The following ALK variants were observed in gnomAD, a reference collection of about 807,000 sequenced individuals.
The protein encoded by ALK is ALK receptor tyrosine kinase.
Under a neutral mutation model 163.1 loss-of-function variants are expected in ALK, and 74 were observed. That is an observed-to-expected ratio of 0.45 (90% CI 0.38 to 0.55). The LOEUF is 0.55. ALK is among the 20% of genes least tolerant of loss of function. The pLI, the probability that ALK is intolerant of heterozygous loss-of-function variation, is 0.00. For missense variants in ALK, 2,063 were observed against 2,105.3 expected (o/e 0.98, Z 0.39); for synonymous variants, 960 against 843.2 (o/e 1.14, Z -2.40).
At chr2:29,653,583 G>A (rs1245432100) in intron 3 of ALK, among the ~76,000 whole-genome samples, 3 of 152,262 alleles carry the variant, frequency 2.0e-5, no homozygotes, top group South Asian at 2.1e-4. Flanking sequence ...CCAAGTTACT[G>A]TAAAGATTAA....
chr2:29,798,003 T>C (rs970805354), intron 1 of ALK, among the ~76,000 whole-genome samples: 1 of 152,054 alleles, frequency 6.6e-6, no homozygotes, highest in African/African-American at 2.4e-5. Flanking sequence ...AGTAAGGAAG[T>C]CTTAAAGCTG....
At chr2:29,535,942 T>G (rs148729959) in intron 3 of ALK, among the ~76,000 whole-genome samples, 1 of 152,304 alleles carries the variant, frequency 6.6e-6, no homozygotes, top group East Asian at 1.9e-4. Context: ...CCCGCTAAGA[T>G]GTAAGGAAGT....
intron 1 of ALK, among the ~76,000 whole-genome samples, chr2:29,830,069 A>C (rs1213067155): frequency 1.3e-5 from 2 of 152,202 alleles, no homozygotes; most frequent in Non-Finnish European, 2.9e-5. Flanking sequence ...GAGAAGTTTA[A>C]CGTTGACTTG....
intron 4 of ALK, among the ~76,000 whole-genome samples, chr2:29,432,754 T>TA (rs1019275209): frequency 2.0e-5 from 3 of 150,530 alleles, no homozygotes; most frequent in African/African-American, 7.4e-5. Context: ...TTTTTTTTTT[T>TA]AAACCGATGG....
chr2:29,210,988 T>G (rs1347757900), intron 24 of ALK, among the ~76,000 whole-genome samples: 1 of 152,144 alleles, frequency 6.6e-6, no homozygotes, highest in Non-Finnish European at 1.5e-5. Flanking sequence ...AATATTAAGG[T>G]CCTGTGCAGG....
chr2:29,715,723 C>G (rs978351226), intron 2 of ALK, among the ~76,000 whole-genome samples: 3 of 152,152 alleles, frequency 2.0e-5, no homozygotes, highest in Non-Finnish European at 4.4e-5. Context: ...ACCTGAAGAC[C>G]AGTTGTATCG....
chr2:29,660,676 A>G, intron 3 of ALK, among the ~76,000 whole-genome samples: 1 of 91,064 alleles, frequency 1.1e-5, no homozygotes. Context: ...GGGAGAGGGG[A>G]GAAAGGGGGA....
intron 24 of ALK, among the ~76,000 whole-genome samples, chr2:29,210,526 G>T (rs533522935): frequency 6.6e-6 from 1 of 151,996 alleles, no homozygotes; most frequent in Admixed American, 6.6e-5. Context: ...TCTGCCTCCC[G>T]GGTTCAAGCA....
intron 4 of ALK, among the ~76,000 whole-genome samples, chr2:29,480,757 T>C (rs112501436): frequency 0.28 from 36,087 of 127,780 alleles, 5,570 homozygotes; most frequent in Middle Eastern, 0.41. Context: ...GATGCAAAAG[T>C]GGGAACTCAG....
intron 1 of ALK, among the ~76,000 whole-genome samples, chr2:29,918,155 T>A (rs1667885400): frequency 6.6e-6 from 1 of 152,240 alleles, no homozygotes; most frequent in Non-Finnish European, 1.5e-5. Context: ...TCATGCAACC[T>A]ACCTGTTTAC....
At chr2:29,579,687 T>C (rs1002068760) in intron 3 of ALK, among the ~76,000 whole-genome samples, 3 of 152,160 alleles carry the variant, frequency 2.0e-5, no homozygotes, top group Admixed American at 2.0e-4. Context: ...TTTGAAAAAC[T>C]GTCAACTCAT....
At chr2:29,825,722 T>C (rs562444469) in intron 1 of ALK, among the ~76,000 whole-genome samples, 1 of 152,184 alleles carries the variant, frequency 6.6e-6, no homozygotes, top group East Asian at 1.9e-4. Context: ...TGTTTTTTTT[T>C]TTAAATCGTT....
intron 15 of ALK, among the ~76,000 whole-genome samples, chr2:29,231,814 C>G (rs538652416): frequency 1.7e-4 from 26 of 152,204 alleles, no homozygotes; most frequent in East Asian, 3.8e-4. Flanking sequence ...GTGCTTCTGG[C>G]TCCCATTAAT....
chr2:29,222,276 T>C (rs1669823218), intron 22 of ALK, 68 bp downstream of exon 22: 4 of 1,449,918 alleles, frequency 2.8e-6, no homozygotes, highest in Admixed American at 1.7e-5. Context: ...ATCGATCTGT[T>C]AGAAACCTCT....
At chr2:29,200,752 CGTATATAT>C (rs1370268002) in intron 26 of ALK, among the ~76,000 whole-genome samples, 8 of 67,322 alleles carry the variant, frequency 1.2e-4, no homozygotes, top group Admixed American at 4.6e-4. Flanking sequence ...TATATATATA[CGTATATAT>C]GTATATATAT....
At chr2:29,441,015 C>T (rs1670527576) in intron 4 of ALK, among the ~76,000 whole-genome samples, 1 of 152,190 alleles carries the variant, frequency 6.6e-6, no homozygotes, top group Non-Finnish European at 1.5e-5. Context: ...CAATAGCCAA[C>T]TTGGACTTGG....
intron 1 of ALK, among the ~76,000 whole-genome samples, chr2:29,800,000 G>T (rs886813763): frequency 1.3e-5 from 2 of 152,240 alleles, no homozygotes; most frequent in African/African-American, 4.8e-5. Flanking sequence ...ATAGGACAAA[G>T]CTCCGGACTC....
rs145204128 is a variant in ALK at position 29,229,080 on chromosome 2, T to A, written c.2633-14A>T. 2 of 1,613,186 alleles carry A rather than the reference T, an allele frequency of 1.2e-6. No homozygotes were observed. Among genetic ancestry groups the A allele is most frequent in the East Asian group, 4.5e-5 (2 of 44,834 alleles). On this transcript the variant is annotated splice_polypyrimidine_tract_variant and intron_variant, in intron 15 of 28. Coordinates refer to ENST00000389048, the MANE Select transcript of ALK (RefSeq NM_004304.5). ...CACCTCCACCACCTGCGGGAAGAGA[T>A]AGGGAACCTGCGTGAGGATGCTGGC...
At chr2:29,329,816 C>A (rs1667386399) in intron 5 of ALK, among the ~76,000 whole-genome samples, 5 of 152,210 alleles carry the variant, frequency 3.3e-5, no homozygotes, top group Admixed American at 2.6e-4. Flanking sequence ...TCTCCATCTA[C>A]TTTAGCACAT....
Sources: allele counts gnomAD v4.1 joint callset (sites outside exome capture counted in the v4.1 genomes callset), GRCh38; gene constraint gnomAD v4.1.1; transcripts MANE v1.5; gene names NCBI Gene and HGNC (gene_info 2026-07-23, HGNC 2026-07-21).